CSNK1A1: variants seen among roughly 807,000 people sequenced by gnomAD.
CSNK1A1 encodes the protein casein kinase 1 alpha 1, also known as casein kinase I isoform alpha.
CSNK1A1 carries 7 observed loss-of-function variants against 46.1 expected under a neutral mutation model. The observed-to-expected ratio is 0.15, with a 90% CI of 0.09 to 0.29. CSNK1A1 has a LOEUF of 0.29. CSNK1A1 is among the 10% of genes least tolerant of loss of function. CSNK1A1 has a pLI of 1.00. For missense variants in CSNK1A1, 96 were observed against 417.1 expected (o/e 0.23, Z 6.71); for synonymous variants, 137 against 141.5 (o/e 0.97, Z 0.23).
intron 3 of CSNK1A1, among the ~76,000 whole-genome samples, chr5:149,520,652 T>C (rs1761539510): frequency 6.6e-6 from 1 of 152,188 alleles, no homozygotes; most frequent in Non-Finnish European, 1.5e-5. Flanking sequence ...ACTTGGTGTT[T>C]GTGATTTTCA....
chr5:149,502,723 A>C (rs1760909180), intron 9 of CSNK1A1: 1 of 984,870 alleles, frequency 1.0e-6, no homozygotes, highest in African/African-American at 1.7e-5. Flanking sequence ...ATCATTATTA[A>C]AACGATTTAT....
chr5:149,515,117 CAA>C (rs1415908738), intron 4 of CSNK1A1, among the ~76,000 whole-genome samples: 1 of 152,124 alleles, frequency 6.6e-6, no homozygotes, highest in Non-Finnish European at 1.5e-5. Context: ...AAAATAAACA[CAA>C]AAGGACATTC....
chr5:149,536,226 T>C (rs1170375284), intron 2 of CSNK1A1, among the ~76,000 whole-genome samples: 1 of 152,226 alleles, frequency 6.6e-6, no homozygotes, highest in Non-Finnish European at 1.5e-5. Flanking sequence ...GTGCTAGGAT[T>C]ACAGGAGTGA....
chr5:149,501,158 A>C lies in CSNK1A1; in HGVS notation c.1006+4289T>G, dbSNP rs1424170568. 1.6e-5 allele frequency: 16 copies of C among 985,316 alleles called. No individual in the cohort carries two copies. In the Admixed American group the frequency reaches 5.5e-4, roughly 34 times the overall value. 61.0% of individuals were successfully genotyped at this position (985,316 alleles called of 1,614,324 possible). A position where few individuals can be genotyped will look rare whatever the true frequency, so the allele number is the denominator to read the frequency against. On this transcript the variant is annotated intron_variant, in intron 9 of 9. Transcript: ENST00000377843. Reference sequence around the variant, plus strand: ...AACAAGTTGCAGAATTTGAAGGTCCAGCAGTCTTGGAGACATGGACTCCAG... The same window carrying C: ...AACAAGTTGCAGAATTTGAAGGTCCCGCAGTCTTGGAGACATGGACTCCAG...
intron 7 of CSNK1A1, 61 bp downstream of exon 7, chr5:149,509,818 G>C (rs965330213): frequency 3.1e-5 from 40 of 1,285,560 alleles, no homozygotes; most frequent in Non-Finnish European, 4.1e-5. Context: ...TGGGATTACA[G>C]GTGTGAGCCA....
intron 4 of CSNK1A1, among the ~76,000 whole-genome samples, chr5:149,516,992 G>A (rs1761424334): frequency 1.3e-5 from 2 of 152,122 alleles, no homozygotes; most frequent in African/African-American, 4.8e-5. Flanking sequence ...TTGCTCAGGA[G>A]CATGAACATT....
chr5:149,510,083 A>C, intron 6 of CSNK1A1, 130 bp from the exon 7 acceptor site: 1 of 608,196 alleles, frequency 1.6e-6, no homozygotes, highest in Non-Finnish European at 2.7e-6. Context: ...AATTTAAAAA[A>C]TCAAAGTATA....
intron 7 of CSNK1A1, 61 bp from the exon 8 acceptor site, chr5:149,507,194 G>T: frequency 7.8e-7 from 1 of 1,284,650 alleles, no homozygotes. Flanking sequence ...AAAAATAAAT[G>T]CATTTAAGTA....
Position 149,499,967 on chromosome 5 carries a change from C to T in CSNK1A1, c.1007-3107G>A, listed in dbSNP as rs866149378. Among the ~76,000 whole-genome samples, 368 of 77,580 alleles carry T rather than the reference C, an allele frequency of 4.7e-3. 5 individuals carry two copies. Among genetic ancestry groups the T allele is most frequent in the South Asian group, 8.6e-3 (15 of 1,738 alleles). The allele number at this position is 77,580 out of a possible 152,430, so 50.9% of individuals were successfully genotyped here. A position where few individuals can be genotyped will look rare whatever the true frequency, so the allele number is the denominator to read the frequency against. On this transcript the variant is annotated intron_variant, in intron 9 of 9. Coordinates refer to ENST00000377843, the MANE Select transcript of CSNK1A1 (RefSeq NM_001892.6). ...GTTGTGGGGTTTTTTTTCTTTTTTT[C>T]TTTTTTTTTTTTTTTTTTTGAGACG...
chr5:149,542,915 G>A (rs1272580800), intron 2 of CSNK1A1, among the ~76,000 whole-genome samples: 7 of 150,636 alleles, frequency 4.6e-5, no homozygotes, highest in African/African-American at 7.3e-5. Context: ...GCCTGGTTTC[G>A]AACTCCTGAC....
chr5:149,545,633 T>C, intron 2 of CSNK1A1: 1 of 893,928 alleles, frequency 1.1e-6, no homozygotes, highest in Non-Finnish European at 1.8e-6. Flanking sequence ...AGGGCCCTGC[T>C]AGCCTCAGCA....
intron 3 of CSNK1A1, among the ~76,000 whole-genome samples, chr5:149,521,052 C>T (rs1416668991): frequency 6.6e-6 from 1 of 151,970 alleles, no homozygotes; most frequent in Non-Finnish European, 1.5e-5. Flanking sequence ...TTATGTCTTC[C>T]CCAACTCACA....
At chr5:149,497,666 C>T in intron 9 of CSNK1A1, 1 of 985,438 alleles carries the variant, frequency 1.0e-6, no homozygotes, top group Non-Finnish European at 1.2e-6. Flanking sequence ...CTCTTAAGCA[C>T]CGTTTTTCCT....
In CSNK1A1 at chr5:149,495,536, A is replaced by C. The variant is rs955299179; in HGVS notation, c.*1317T>G. ...GAGGGGCTGGGGAGGGTCAACAATC[A>C]CTGAACCTCACACAGTGTGATGCTC... On this transcript the variant is annotated 3_prime_UTR_variant, in exon 10 of 10. Transcript: ENST00000377843. 3 of 152,192 alleles carry C rather than the reference A, an allele frequency of 2.0e-5. No homozygotes were observed. The highest frequency in any genetic ancestry group is 4.8e-5 in the African/African-American group (2 of 41,452). The allele number at this position is 152,192 out of a possible 1,614,324, so 9.4% of individuals were successfully genotyped here. A position where few individuals can be genotyped will look rare whatever the true frequency, so the allele number is the denominator to read the frequency against.
chr5:149,545,325 C>T (rs1267414318), intron 2 of CSNK1A1: 10 of 348,952 alleles, frequency 2.9e-5, no homozygotes, highest in South Asian at 1.9e-4. Flanking sequence ...CCCATAAAGA[C>T]GGCAGCCCAG....
At chr5:149,499,127 T>C (rs1258637816) in intron 9 of CSNK1A1, 51 of 985,222 alleles carry the variant, frequency 5.2e-5, no homozygotes, top group Non-Finnish European at 5.3e-5. Flanking sequence ...AATAGGAATA[T>C]TCAACAGGTA....
At position 149,497,627 on chromosome 5, in the gene CSNK1A1, T is replaced by C. The variant is rs373693683; in HGVS notation, c.1007-767A>G. 45 of 985,482 alleles carry C rather than the reference T, an allele frequency of 4.6e-5. No individual in the cohort carries two copies. The East Asian group carries it at 1.7e-3, about 37-fold the overall frequency. The allele number at this position is 985,482 out of a possible 1,614,324, so 61.0% of individuals were successfully genotyped here. ...CAGCTAAAGGCAAAGGGAGAAAATA[T>C]GCCTGTCCCACAGCAATAGCCTGAA... On this transcript the variant is annotated intron_variant, in intron 9 of 9. Transcript: ENST00000377843.
intron 5 of CSNK1A1, among the ~76,000 whole-genome samples, 166 bp downstream of exon 5, chr5:149,512,904 G>A (rs995151100): frequency 6.6e-6 from 1 of 152,006 alleles, no homozygotes; most frequent in African/African-American, 2.4e-5. Flanking sequence ...CTCATTTAAC[G>A]GTCTTCTCTA....
At position 149,522,833 on chromosome 5, in the gene CSNK1A1, ATCTT is replaced by A. The variant is rs373516557; in HGVS notation, c.357+2208_357+2211del. On this transcript the variant is annotated intron_variant, in intron 3 of 9. Transcript: ENST00000377843. ...CAAGGATGGAACATCTTATTTTTCC[ATCTT>A]TCTTTATTAGACTCTAAGTTTCTTT... Among the ~76,000 whole-genome samples the A allele has an allele frequency of 2.9e-3, 448 of 152,220 alleles. 3 individuals are homozygous for A. Among genetic ancestry groups the A allele is most frequent in the African/African-American group, 0.01 (429 of 41,518 alleles).
Sources: gnomAD v4.1 joint callset for allele counts (sites outside exome capture counted in the v4.1 genomes callset) on GRCh38, gnomAD v4.1.1 for gene constraint, MANE v1.5 for transcripts, NCBI Gene and HGNC (gene_info 2026-07-23, HGNC 2026-07-21) for gene names.